The following SLCO1C1 variants were observed in gnomAD, a reference collection of about 807,000 sequenced individuals.
The protein encoded by SLCO1C1 is OAT-RP-5.
SLCO1C1 carries 70 observed loss-of-function variants against 76.4 expected under a neutral mutation model. The ratio of observed to expected loss-of-function variants is 0.92; its 90% confidence interval spans 0.76 to 1.12. The LOEUF (loss-of-function observed/expected upper bound fraction) is 1.12, where lower values mean the gene tolerates loss of function less well. Among genes scored for constraint, SLCO1C1 ranks in the 50% most tolerant of loss-of-function variants. The pLI, the probability that SLCO1C1 is intolerant of heterozygous loss-of-function variation, is 0.00. For synonymous variants in SLCO1C1, 306 were observed against 286.1 expected (o/e 1.07, Z -0.70); for missense variants, 912 against 823.8 (o/e 1.11, Z -1.31).
intron 11 of SLCO1C1, among the ~76,000 whole-genome samples, chr12:20,739,565 T>C (rs1220113672): frequency 1.3e-5 from 2 of 152,018 alleles, no homozygotes; most frequent in African/African-American, 4.8e-5. Context: ...GAGGGGATGT[T>C]TGGAAAGGGC....
chr12:20,696,559 G>C (rs1946275033), intron 1 of SLCO1C1, among the ~76,000 whole-genome samples: 1 of 152,088 alleles, frequency 6.6e-6, no homozygotes, highest in South Asian at 2.1e-4. Context: ...TTGAACCAAA[G>C]GAAGAGAAAC....
intron 11 of SLCO1C1, among the ~76,000 whole-genome samples, chr12:20,737,498 T>G (rs1394458173): frequency 1.3e-5 from 2 of 152,124 alleles, no homozygotes; most frequent in Non-Finnish European, 2.9e-5. Context: ...GGAAGAGATT[T>G]TGTAATTATG....
chr12:20,696,468 C>T (rs1169835606), intron 1 of SLCO1C1, among the ~76,000 whole-genome samples: 1 of 152,100 alleles, frequency 6.6e-6, no homozygotes, highest in Non-Finnish European at 1.5e-5. Flanking sequence ...CTAACTACAA[C>T]CTTCCTAAGC....
chr12:20,737,581 A>C (rs1213840492), intron 11 of SLCO1C1, among the ~76,000 whole-genome samples: 2 of 151,676 alleles, frequency 1.3e-5, no homozygotes, highest in African/African-American at 2.4e-5. Context: ...TGATCATCAT[A>C]ATAAGATATG....
At chr12:20,710,230 T>C (rs1396384024) in intron 4 of SLCO1C1, among the ~76,000 whole-genome samples, 4 of 136,220 alleles carry the variant, frequency 2.9e-5, no homozygotes, top group African/African-American at 8.6e-5. Context: ...TTTTTTGAGA[T>C]GGAGTCTCGC....
intron 10 of SLCO1C1, among the ~76,000 whole-genome samples, chr12:20,735,927 T>C (rs889423211): frequency 1.3e-5 from 2 of 152,260 alleles, no homozygotes; most frequent in East Asian, 3.9e-4. Context: ...AGTTCCTGCC[T>C]CTCTTGATTG....
rs10770703 is a variant in SLCO1C1, at chr12:20,700,090, T to A, written c.129+385T>A. 2.7e-3 allele frequency: 69 copies of A among 25,750 alleles called. No individual in the cohort carries two copies. In the East Asian group the frequency reaches 0.03, roughly 11 times the overall value. 1.6% of individuals were successfully genotyped at this position (25,750 alleles called of 1,614,324 possible). A position where few individuals can be genotyped will look rare whatever the true frequency, so the allele number is the denominator to read the frequency against. On this transcript the variant is annotated intron_variant, in intron 2 of 14. Coordinates refer to ENST00000266509, the MANE Select transcript of SLCO1C1 (RefSeq NM_017435.5). Reference sequence around the variant, plus strand: ...TTACAGAGTAGGGAGAAGAGTTGCTTTTTTTTTTTTTTAGGATTGTTGTAT... The same window carrying A: ...TTACAGAGTAGGGAGAAGAGTTGCTATTTTTTTTTTTTAGGATTGTTGTAT...
chr12:20,718,809 T>C (rs1007851573), intron 7 of SLCO1C1, among the ~76,000 whole-genome samples: 3 of 152,118 alleles, frequency 2.0e-5, no homozygotes, highest in Admixed American at 6.5e-5. Context: ...AGTTTGAAAA[T>C]CATGAAGCCT....
chr12:20,745,084 CTCT>C (rs1948981404), intron 13 of SLCO1C1, among the ~76,000 whole-genome samples: 1 of 152,024 alleles, frequency 6.6e-6, no homozygotes, highest in Non-Finnish European at 1.5e-5. Context: ...AGGCATTTTG[CTCT>C]TTTTTAAAAA....
intron 13 of SLCO1C1, among the ~76,000 whole-genome samples, chr12:20,748,233 C>T (rs914859806): frequency 6.6e-6 from 1 of 152,158 alleles, no homozygotes; most frequent in African/African-American, 2.4e-5. Context: ...CCCTCTTTCT[C>T]TCCCATTTGT....
Position 20,723,181 on chromosome 12 carries a change from C to T in SLCO1C1, c.1113C>T (p.Gly371=), listed in dbSNP as rs1184432141. Reference sequence around the variant, plus strand: ...CTGTTCAGTTCAATTCTCTGTTCGGCATGGTGACGTACAAACCAAAGTACA... The same window carrying T: ...CTGTTCAGTTCAATTCTCTGTTCGGTATGGTGACGTACAAACCAAAGTACA... ...TSTVQFNSLF[G]MVTYKPKYIE... Residue 371 remains glycine (G), a synonymous_variant, in exon 9 of 15, where the codon GGC becomes GGT. Transcript: ENST00000266509. 1 of 1,614,026 alleles carries T rather than the reference C, an allele frequency of 6.2e-7. No homozygotes were observed. Among genetic ancestry groups the T allele is most frequent in the Non-Finnish European group, 8.5e-7 (1 of 1,180,004 alleles).
At chr12:20,704,870 T>C (rs1946700970) in intron 3 of SLCO1C1, among the ~76,000 whole-genome samples, 1 of 151,920 alleles carries the variant, frequency 6.6e-6, no homozygotes, top group Non-Finnish European at 1.5e-5. Context: ...AAAAACTAAA[T>C]ATCTCAAATA....
chr12:20,729,235 C>T (rs970094810), intron 9 of SLCO1C1, among the ~76,000 whole-genome samples: 2 of 152,156 alleles, frequency 1.3e-5, no homozygotes, highest in Admixed American at 1.3e-4. Flanking sequence ...CAACTTAATA[C>T]ATCCTGTGAA....
At chr12:20,727,532 CAG>C (rs201274372) in intron 9 of SLCO1C1, among the ~76,000 whole-genome samples, 1,858 of 152,234 alleles carry the variant, frequency 0.012, 32 homozygotes, top group Non-Finnish European at 0.017. Context: ...GTTTTTGAGC[CAG>C]AGTCTCGCTC....
chr12:20,740,009 ATGT>A (rs1005859255), intron 11 of SLCO1C1, among the ~76,000 whole-genome samples, 172 bp from the exon 12 acceptor site: 21 of 152,328 alleles, frequency 1.4e-4, no homozygotes, highest in African/African-American at 4.3e-4. Flanking sequence ...AGATAATGAA[ATGT>A]TGTATCTATA....
chr12:20,717,000 TAAACACATG>T, intron 6 of SLCO1C1, 123 bp from the exon 7 acceptor site: 1 of 720,986 alleles, frequency 1.4e-6, no homozygotes. Context: ...TAAAGTTAAC[TAAACACATG>T]CAAATGAGTT....
At chr12:20,734,012 C>CA (rs1175440045) in intron 10 of SLCO1C1, among the ~76,000 whole-genome samples, 6 of 152,108 alleles carry the variant, frequency 3.9e-5, no homozygotes, top group African/African-American at 1.4e-4. Context: ...AAGGCCTTCC[C>CA]AACTGTATCT....
intron 11 of SLCO1C1, among the ~76,000 whole-genome samples, chr12:20,738,102 ACATT>A (rs1948631467): frequency 6.6e-6 from 1 of 152,038 alleles, no homozygotes; most frequent in African/African-American, 2.4e-5. Flanking sequence ...CACTAAAATC[ACATT>A]CATGAGGGCT....
Position 20,701,477 on chromosome 12 carries a change from C to G in SLCO1C1, c.271+18C>G. On this transcript the variant is annotated intron_variant, in intron 3 of 14. Coordinates refer to ENST00000266509, the MANE Select transcript of SLCO1C1 (RefSeq NM_017435.5). ...TGAAATTGGTAGGTATTACAGATGC[C>G]TGACTTTAATTTTAAGCCCAAGATC... 3 of 1,441,020 alleles carry G rather than the reference C, an allele frequency of 2.1e-6. No individual in the cohort carries two copies. Among genetic ancestry groups the G allele is most frequent in the Non-Finnish European group, 2.8e-6 (3 of 1,077,278 alleles). 89.3% of individuals were successfully genotyped at this position (1,441,020 alleles called of 1,614,324 possible).
Sources: allele counts gnomAD v4.1 joint callset (sites outside exome capture counted in the v4.1 genomes callset), GRCh38; gene constraint gnomAD v4.1.1; transcripts MANE v1.5; gene names NCBI Gene and HGNC (gene_info 2026-07-23, HGNC 2026-07-21).